The following BIRC6 variants were observed in gnomAD, a reference collection of about 807,000 sequenced individuals.
BIRC6 encodes the protein baculoviral IAP repeat containing 6.
BIRC6 carries 98 observed loss-of-function variants against 503.3 expected under a neutral mutation model. The observed-to-expected ratio is 0.19, with a 90% CI of 0.17 to 0.23. The LOEUF (loss-of-function observed/expected upper bound fraction) is 0.23. Among genes scored for constraint, BIRC6 ranks in the 10% least tolerant of loss-of-function variants. BIRC6 has a pLI of 1.00. For missense variants in BIRC6, 5,360 were observed against 5,806.0 expected, an observed-to-expected ratio of 0.92 and a Z score of 2.50; for synonymous variants, 2,240 against 2,078.7, an observed-to-expected ratio of 1.08 and a Z score of -2.11.
intron 61 of BIRC6, among the ~76,000 whole-genome samples, chr2:32,538,027 G>A (rs2057374772): frequency 6.6e-6 from 1 of 151,892 alleles, no homozygotes; most frequent in Non-Finnish European, 1.5e-5. Context: ...CTAGAAGCAG[G>A]CAGAAATTAA....
chr2:32,553,127 G>C (rs2058538839), intron 65 of BIRC6, among the ~76,000 whole-genome samples: 3 of 137,786 alleles, frequency 2.2e-5, no homozygotes, highest in South Asian at 2.3e-4. Context: ...AACCCAGGAG[G>C]GGGAGGTTGC....
rs1451081156 is a variant in BIRC6 at position 32,493,551 on chromosome 2, A to G, written c.8352A>G (p.Thr2784=). Residue 2784 remains threonine (T), a synonymous_variant, in exon 45 of 74, where the codon ACA becomes ACG. Transcript: ENST00000421745. ...ACATTTCTCTTTAGGTTGGTCCTAC[A>G]GCTACACAAGCTATGCAAGAATTTC... The part of the protein sequence containing the change: ...TNQHSPQVGP[T]ATQAMQEFLT... 15 of 1,609,376 alleles carry G rather than the reference A, an allele frequency of 9.3e-6. No individual in the cohort carries two copies. Among genetic ancestry groups the G allele is most frequent in the Middle Eastern group, 3.3e-4 (2 of 6,062 alleles).
intron 36 of BIRC6, 126 bp downstream of exon 36, chr2:32,478,944 T>A: frequency 1.2e-6 from 1 of 869,066 alleles, no homozygotes; most frequent in Non-Finnish European, 1.8e-6. Context: ...AAGGTCTGTT[T>A]AATCGGTGTG....
At chr2:32,553,190 T>A in intron 65 of BIRC6, among the ~76,000 whole-genome samples, 1 of 51,150 alleles carries the variant, frequency 2.0e-5, no homozygotes, top group African/African-American at 6.7e-5. Context: ...AGAGTGAAAC[T>A]CTGTCTCAAA....
chr2:32,431,213 T>G (rs1363189248), intron 12 of BIRC6, 123 bp downstream of exon 12: 4 of 510,402 alleles, frequency 7.8e-6, no homozygotes, highest in African/African-American at 2.5e-5. Context: ...TTTTTTTTTT[T>G]GAGACAGAGT....
intron 23 of BIRC6, among the ~76,000 whole-genome samples, chr2:32,462,849 A>G (rs889948913): frequency 6.6e-6 from 1 of 151,764 alleles, no homozygotes. Flanking sequence ...CCAGCTACTC[A>G]GGAGGCTGAG....
In BIRC6 at chr2:32,525,140, G is replaced by A. The variant is rs2056149042; in HGVS notation, c.11755+121G>A. 1.0e-5 allele frequency: 9 copies of A among 865,404 alleles called. No individual in the cohort carries two copies. The South Asian group carries it at 2.4e-4, about 23-fold the overall frequency. The allele number at this position is 865,404 out of a possible 1,614,324, so 53.6% of individuals were successfully genotyped here. A position where few individuals can be genotyped will look rare whatever the true frequency, so the allele number is the denominator to read the frequency against. ...ATATAAAAAGCTGACTCGTAATGAT[G>A]TTTTAATACTAGATTTTTATCTTTT... On this transcript the variant is annotated intron_variant, in intron 58 of 73. Transcript: ENST00000421745.
At chr2:32,412,412 C>T (rs1239999477) in intron 9 of BIRC6, among the ~76,000 whole-genome samples, 2 of 151,854 alleles carry the variant, frequency 1.3e-5, no homozygotes, top group Non-Finnish European at 2.9e-5. Context: ...CAGGAGAATC[C>T]CTTGAACCTG....
chr2:32,433,041 G>A (rs1186479459), intron 12 of BIRC6, among the ~76,000 whole-genome samples: 1 of 152,070 alleles, frequency 6.6e-6, no homozygotes, highest in Non-Finnish European at 1.5e-5. Flanking sequence ...ACAAGGAATA[G>A]AATTTGCTGA....
intron 9 of BIRC6, among the ~76,000 whole-genome samples, chr2:32,414,000 A>G (rs1276369010): frequency 6.6e-6 from 1 of 152,206 alleles, no homozygotes; most frequent in Non-Finnish European, 1.5e-5. Context: ...TTAAAAAAAG[A>G]AAGTTTTCCG....
At chr2:32,409,490 G>C (rs900573313) in intron 9 of BIRC6, among the ~76,000 whole-genome samples, 3 of 152,174 alleles carry the variant, frequency 2.0e-5, no homozygotes, top group African/African-American at 7.2e-5. Context: ...AAAAATGTGA[G>C]TGCAGATAAA....
In BIRC6 at chr2:32,487,639, A is replaced by G. The variant is rs1367460835; in HGVS notation, c.7814-8A>G. Reference sequence around the variant, plus strand: ...ATGTATAAAATTATACTTGTGTTTAATTTTCAGTATCACAGTCTCCCACTG... The same window carrying G: ...ATGTATAAAATTATACTTGTGTTTAGTTTTCAGTATCACAGTCTCCCACTG... On this transcript the variant is annotated splice_polypyrimidine_tract_variant and splice_region_variant and intron_variant, in intron 40 of 73. Transcript: ENST00000421745. The G allele has an allele frequency of 1.2e-6, 2 of 1,612,482 alleles. No homozygotes were observed. The highest frequency in any genetic ancestry group is 1.7e-6 in the Non-Finnish European group (2 of 1,179,044).
intron 53 of BIRC6, among the ~76,000 whole-genome samples, chr2:32,511,896 A>G (rs963018104): frequency 6.6e-6 from 1 of 152,198 alleles, no homozygotes; most frequent in Non-Finnish European, 1.5e-5. Flanking sequence ...TTTGTGCCAA[A>G]TTTGAATCAT....
At position 32,480,621 on chromosome 2, in the gene BIRC6, C is replaced by CTTTTTTTT. The variant is rs560251664; in HGVS notation, c.7409-669_7409-662dup. 1.1e-3 allele frequency among the ~76,000 whole-genome samples: 67 copies of CTTTTTTTT among 60,724 alleles called. 8 individuals are homozygous for CTTTTTTTT. Among genetic ancestry groups the CTTTTTTTT allele is most frequent in the East Asian group, 4.9e-3 (4 of 814 alleles). 39.8% of individuals were successfully genotyped at this position (60,724 alleles called of 152,430 possible). A position where few individuals can be genotyped will look rare whatever the true frequency, so the allele number is the denominator to read the frequency against. ...CATAACAGAAAAATAAGGTAAATGGCTTTTTTTTTTTTTTTTTTTTTTTTT... is the reference window on the plus strand; with the variant it reads ...CATAACAGAAAAATAAGGTAAATGGCTTTTTTTTTTTTTTTTTTTTTTTTTTTTTTTTT... On this transcript the variant is annotated intron_variant, in intron 37 of 73. Coordinates refer to ENST00000421745, the MANE Select transcript of BIRC6 (RefSeq NM_016252.4).
chr2:32,416,436 C>T (rs2042380592), intron 10 of BIRC6, among the ~76,000 whole-genome samples: 1 of 151,570 alleles, frequency 6.6e-6, no homozygotes, highest in Non-Finnish European at 1.5e-5. Flanking sequence ...TTCAGTGAGT[C>T]CCTGACTCTG....
chr2:32,439,211 TTGA>T (rs2045123444), intron 15 of BIRC6, among the ~76,000 whole-genome samples: 1 of 151,792 alleles, frequency 6.6e-6, no homozygotes, highest in African/African-American at 2.4e-5. Context: ...GTGTGTGTAG[TTGA>T]TGACATTTTT....
In BIRC6 at chr2:32,468,447, G is replaced by T. The variant is rs1170480589; in HGVS notation, c.5791G>T (p.Ala1931Ser). The T allele has an allele frequency of 6.4e-7, 1 of 1,574,790 alleles. No homozygotes were observed. The highest frequency in any genetic ancestry group is 8.6e-7 in the Non-Finnish European group (1 of 1,160,640). The change falls in exon 29 of 74, where the codon GCT (alanine) becomes TCT (serine). Residue 1931 changes from alanine (A) to serine (S), a missense_variant. Around this residue, in one of 16 missense-constraint regions of BIRC6, gnomAD observed 2,299 missense variants for 2,267.2 expected, o/e 1.01. Coordinates refer to ENST00000421745, the MANE Select transcript of BIRC6 (RefSeq NM_016252.4). Reference protein sequence around the residue: ...QEDIQCRYNLACHRLETLLQS... With the variant: ...QEDIQCRYNLSCHRLETLLQS... ...CTTTTTTTACTTTAGGTATAACTTG[G>T]CTTGTCATCGTCTGGAAACCCTTTT...
At chr2:32,599,475 T>C (rs954364798) in intron 69 of BIRC6, among the ~76,000 whole-genome samples, 26 of 151,848 alleles carry the variant, frequency 1.7e-4, no homozygotes, top group African/African-American at 5.8e-4. Flanking sequence ...TGGTCTCTAC[T>C]AAAAATACAA....
chr2:32,486,235 A>G (rs1225823599), intron 40 of BIRC6, among the ~76,000 whole-genome samples: 1 of 152,242 alleles, frequency 6.6e-6, no homozygotes, highest in East Asian at 1.9e-4. Context: ...AATAACCTAC[A>G]GAAAAGAAAG....
Sources: gnomAD v4.1 joint callset for allele counts (sites outside exome capture counted in the v4.1 genomes callset) on GRCh38, gnomAD v4.1.1 for gene constraint, gnomAD v4.1.1 regional missense constraint, MANE v1.5 for transcripts, NCBI Gene and HGNC (gene_info 2026-07-23, HGNC 2026-07-21) for gene names.